NKAIN2: variants seen among roughly 807,000 people sequenced by gnomAD.
NKAIN2 encodes sodium/potassium-transporting ATPase subunit beta-1-interacting protein 2.
NKAIN2 carries 14 observed loss-of-function variants against 32.6 expected under a neutral mutation model. The ratio of observed to expected loss-of-function variants is 0.43; its 90% CI spans 0.28 to 0.67. NKAIN2 has a LOEUF of 0.67. Among genes scored for constraint, NKAIN2 ranks in the 30% least tolerant of loss-of-function variants. The pLI is 0.17. For missense variants in NKAIN2, 198 were observed against 258.3 expected (o/e 0.77, Z 1.60); for synonymous variants, 80 against 87.2 (o/e 0.92, Z 0.46).
At chr6:123,816,161 C>A (rs1207418269) in intron 1 of NKAIN2, among the ~76,000 whole-genome samples, 1 of 151,818 alleles carries the variant, frequency 6.6e-6, no homozygotes, top group Non-Finnish European at 1.5e-5. Context: ...ATATGTGGGA[C>A]AATGAAGGGT....
At chr6:124,735,664 T>G (rs1776899049) in intron 4 of NKAIN2, among the ~76,000 whole-genome samples, 1 of 151,864 alleles carries the variant, frequency 6.6e-6, no homozygotes, top group Non-Finnish European at 1.5e-5. Flanking sequence ...TGTGTCACAT[T>G]TGGGTAGTTC....
intron 1 of NKAIN2, among the ~76,000 whole-genome samples, chr6:124,244,090 G>A (rs982024263): frequency 2.0e-5 from 3 of 150,096 alleles, no homozygotes; most frequent in Non-Finnish European, 4.4e-5. Context: ...AATTTAATTA[G>A]TTCTTTTTTT....
intron 3 of NKAIN2, among the ~76,000 whole-genome samples, chr6:124,582,575 A>C (rs1249055815): frequency 6.6e-6 from 1 of 152,192 alleles, no homozygotes; most frequent in African/African-American, 2.4e-5. Context: ...ATTCTGAAAA[A>C]AATAGAGGAG....
chr6:124,413,725 A>G (rs533424169), intron 3 of NKAIN2, among the ~76,000 whole-genome samples: 40 of 152,288 alleles, frequency 2.6e-4, no homozygotes, highest in Non-Finnish European at 4.7e-4. Flanking sequence ...AATTTTTCTC[A>G]GCAATGGAAA....
At chr6:124,423,481 G>A (rs1252563061) in intron 3 of NKAIN2, among the ~76,000 whole-genome samples, 1 of 152,130 alleles carries the variant, frequency 6.6e-6, no homozygotes, top group Non-Finnish European at 1.5e-5. Context: ...CCAATATAGG[G>A]ACCCAAAAGG....
intron 1 of NKAIN2, among the ~76,000 whole-genome samples, chr6:123,951,524 CT>C (rs970608439): frequency 6.6e-6 from 1 of 151,866 alleles, no homozygotes; most frequent in African/African-American, 2.4e-5. Context: ...CTCTTTTTCG[CT>C]TTTTACCATT....
Position 124,408,817 on chromosome 6 carries a change from T to C in NKAIN2, c.273+53470T>C, listed in dbSNP as rs530753969. Among the ~76,000 whole-genome samples the C allele has an allele frequency of 7.2e-5, 11 of 152,336 alleles. No homozygotes were observed. In the East Asian group the frequency reaches 2.1e-3, roughly 29 times the overall value. On this transcript the variant is annotated intron_variant, in intron 3 of 6. Coordinates refer to ENST00000368417, the MANE Select transcript of NKAIN2 (RefSeq NM_001040214.3). ...TGGCCATTTTCACGATATTGATTCT[T>C]CCTACCCATGAGCATGGAATGTTCC...
intron 3 of NKAIN2, among the ~76,000 whole-genome samples, chr6:124,415,727 T>A (rs1278905990): frequency 6.6e-6 from 1 of 152,210 alleles, no homozygotes; most frequent in Admixed American, 6.5e-5. Flanking sequence ...AGTCAACTCA[T>A]GAGCATACAA....
chr6:124,375,152 C>G (rs934819511), intron 3 of NKAIN2, among the ~76,000 whole-genome samples: 4 of 151,984 alleles, frequency 2.6e-5, no homozygotes, highest in African/African-American at 9.7e-5. Context: ...ACGTAGGTCT[C>G]TGGTCTACGG....
intron 1 of NKAIN2, among the ~76,000 whole-genome samples, chr6:124,258,009 G>T (rs573908074): frequency 6.6e-6 from 1 of 151,888 alleles, no homozygotes; most frequent in East Asian, 1.9e-4. Flanking sequence ...TCAAACTCCC[G>T]ATCTCAGGTG....
At chr6:124,675,919 A>G (rs1773336554) in intron 4 of NKAIN2, among the ~76,000 whole-genome samples, 1 of 151,080 alleles carries the variant, frequency 6.6e-6, no homozygotes, top group Non-Finnish European at 1.5e-5. Context: ...GTAAAGTTAC[A>G]TTGTTTGTTT....
intron 1 of NKAIN2, among the ~76,000 whole-genome samples, chr6:124,014,896 T>C (rs946163336): frequency 2.6e-5 from 4 of 152,168 alleles, no homozygotes; most frequent in African/African-American, 9.7e-5. Flanking sequence ...GTTTAACGTA[T>C]CTCCCTCTAA....
chr6:124,358,416 T>G (rs1799097315), intron 3 of NKAIN2, among the ~76,000 whole-genome samples: 1 of 152,026 alleles, frequency 6.6e-6, no homozygotes, highest in Non-Finnish European at 1.5e-5. Context: ...TTCCTATATC[T>G]CCACATCCTC....
In NKAIN2 at chr6:124,768,428, A is replaced by C. The variant is rs186745635; in HGVS notation, c.475-22911A>C. ...TTCTTACCTCTACAGCAAAACATCA[A>C]TCTAATCTGTCATCTCAGCAGCACT... On this transcript the variant is annotated intron_variant, in intron 4 of 6. Transcript: ENST00000368417. Among the ~76,000 whole-genome samples the C allele has an allele frequency of 3.7e-3, 566 of 152,248 alleles. 3 individuals are homozygous for C. The highest frequency in any genetic ancestry group is 0.013 in the African/African-American group (531 of 41,560).
intron 1 of NKAIN2, among the ~76,000 whole-genome samples, chr6:124,037,105 C>T (rs1030319225): frequency 6.6e-6 from 1 of 152,034 alleles, no homozygotes; most frequent in Non-Finnish European, 1.5e-5. Context: ...AATTCTTTCT[C>T]CCATTGTCAG....
intron 1 of NKAIN2, among the ~76,000 whole-genome samples, chr6:124,016,619 A>G (rs768952082): frequency 1.3e-5 from 2 of 152,200 alleles, no homozygotes; most frequent in Non-Finnish European, 2.9e-5. Flanking sequence ...TCTTTTGCAC[A>G]TAAATTAGCC....
intron 3 of NKAIN2, among the ~76,000 whole-genome samples, chr6:124,498,695 A>G (rs114619084): frequency 0.014 from 2,177 of 152,248 alleles, 47 homozygotes; most frequent in African/African-American, 0.049. Context: ...AGATTTTTCT[A>G]TTATGTCTGA....
chr6:124,158,446 G>A (rs1056084866), intron 1 of NKAIN2, among the ~76,000 whole-genome samples: 14 of 152,140 alleles, frequency 9.2e-5, no homozygotes, highest in African/African-American at 2.9e-4. Context: ...AAAGTGGAAC[G>A]AAGCAAATTA....
At chr6:124,369,504 T>G (rs1386355405) in intron 3 of NKAIN2, among the ~76,000 whole-genome samples, 2 of 152,076 alleles carry the variant, frequency 1.3e-5, no homozygotes, top group Non-Finnish European at 2.9e-5. Flanking sequence ...CAACACACAT[T>G]TGTAAACTGT....
Sources: allele counts gnomAD v4.1 joint callset (sites outside exome capture counted in the v4.1 genomes callset), GRCh38; gene constraint gnomAD v4.1.1; transcripts MANE v1.5; gene names NCBI Gene and HGNC (gene_info 2026-07-23, HGNC 2026-07-21).